SDHB: variants seen among roughly 807,000 people sequenced by gnomAD.
SDHB encodes the protein succinate dehydrogenase [ubiquinone] iron-sulfur subunit, mitochondrial.
Under a neutral mutation model 39.7 loss-of-function variants are expected in SDHB, and 21 were observed. The ratio of observed to expected loss-of-function variants is 0.53; its 90% CI spans 0.37 to 0.76. SDHB has a LOEUF of 0.76. Ranked by LOEUF, SDHB falls within the 30% of genes least tolerant of loss-of-function variation. The probability of loss-of-function intolerance (pLI) is 0.00; values close to 1 mark genes in which losing one functional copy is unlikely to be tolerated. For missense variants in SDHB, 343 were observed against 350.9 expected (o/e 0.98, Z 0.18); for synonymous variants, 118 against 117.0 (o/e 1.01, Z -0.06).
intron 5 of SDHB, among the ~76,000 whole-genome samples, chr1:17,026,397 C>G (rs150038714): frequency 1.5e-3 from 221 of 152,212 alleles, no homozygotes; most frequent in African/African-American, 5.1e-3. Context: ...CGGAGTCTTG[C>G]TCTGTTGCCC....
intron 3 of SDHB, among the ~76,000 whole-genome samples, chr1:17,032,055 C>CA (rs373859523): frequency 2.0e-5 from 3 of 152,196 alleles, no homozygotes; most frequent in African/African-American, 7.2e-5. Context: ...GTCTTCACTG[C>CA]ACCCTGTGCA....
intron 4 of SDHB, 25 bp downstream of exon 4, chr1:17,028,575 A>T: frequency 6.2e-7 from 1 of 1,613,722 alleles, no homozygotes; most frequent in Non-Finnish European, 8.5e-7. Context: ...AATAAAAACA[A>T]AACCAGAGAG....
At chr1:17,026,495 G>A (rs570065961) in intron 5 of SDHB, among the ~76,000 whole-genome samples, 26 of 152,268 alleles carry the variant, frequency 1.7e-4, no homozygotes, top group Middle Eastern at 3.4e-3. Context: ...CTCCTGAGTA[G>A]CTGGGATTAT....
intron 1 of SDHB, among the ~76,000 whole-genome samples, chr1:17,053,458 T>C (rs968444063): frequency 1.3e-5 from 2 of 152,126 alleles, no homozygotes; most frequent in Non-Finnish European, 2.9e-5. Flanking sequence ...TCCCCTGCCC[T>C]GTCCCCAACA....
At chr1:17,038,001 T>C (rs1414960906) in intron 2 of SDHB, among the ~76,000 whole-genome samples, 1 of 152,176 alleles carries the variant, frequency 6.6e-6, no homozygotes, top group African/African-American at 2.4e-5. Context: ...TAGCTGGGCG[T>C]AGTGGCAGGC....
intron 2 of SDHB, among the ~76,000 whole-genome samples, chr1:17,040,436 C>G (rs1307391158): frequency 1.3e-5 from 2 of 151,912 alleles, no homozygotes; most frequent in Non-Finnish European, 2.9e-5. Flanking sequence ...TCTGGAAGTC[C>G]AATTACATGT....
chr1:17,051,989 C>T (rs1199031379), intron 1 of SDHB, among the ~76,000 whole-genome samples: 1 of 149,432 alleles, frequency 6.7e-6, no homozygotes, highest in Non-Finnish European at 1.5e-5. Context: ...TTATAGGCGC[C>T]CACCACCACG....
intron 2 of SDHB, among the ~76,000 whole-genome samples, chr1:17,036,747 TATAA>T (rs1014061873): frequency 5.0e-4 from 73 of 146,356 alleles, no homozygotes; most frequent in African/African-American, 1.7e-3. Flanking sequence ...AATATATAAA[TATAA>T]ATATTTATAT....
At chr1:17,031,370 A>T (rs2078022047) in intron 3 of SDHB, among the ~76,000 whole-genome samples, 1 of 152,198 alleles carries the variant, frequency 6.6e-6, no homozygotes, top group Non-Finnish European at 1.5e-5. Flanking sequence ...AAAAAAAAAT[A>T]AGAAAAACAA....
intron 5 of SDHB, among the ~76,000 whole-genome samples, chr1:17,025,435 G>T (rs1460187879): frequency 6.7e-6 from 1 of 149,974 alleles, no homozygotes; most frequent in Non-Finnish European, 1.5e-5. Flanking sequence ...TTTGAGACAG[G>T]GTCTTGCTGT....
At chr1:17,048,357 T>C (rs78780303) in intron 1 of SDHB, among the ~76,000 whole-genome samples, 3,223 of 152,308 alleles carry the variant, frequency 0.021, 50 homozygotes, top group Non-Finnish European at 0.034. Context: ...CTCCAAGGTA[T>C]CATGTACCAC....
chr1:17,030,126 T>C (rs1031936412), intron 3 of SDHB, among the ~76,000 whole-genome samples: 2 of 152,096 alleles, frequency 1.3e-5, no homozygotes, highest in Non-Finnish European at 1.5e-5. Context: ...GAGGAGAAGG[T>C]TGCAGTGAGC....
At chr1:17,034,980 G>C (rs1347594544) in intron 2 of SDHB, among the ~76,000 whole-genome samples, 2 of 152,138 alleles carry the variant, frequency 1.3e-5, no homozygotes, top group Non-Finnish European at 2.9e-5. Flanking sequence ...ACAAAGCTCT[G>C]TTCCAGAGGA....
At chr1:17,037,276 C>T (rs1440496417) in intron 2 of SDHB, among the ~76,000 whole-genome samples, 1 of 151,672 alleles carries the variant, frequency 6.6e-6, no homozygotes, top group Non-Finnish European at 1.5e-5. Flanking sequence ...TCTAATAGTT[C>T]CTAGGGGGCA....
chr1:17,041,664 A>C (rs1314758804), intron 2 of SDHB, among the ~76,000 whole-genome samples: 1 of 152,122 alleles, frequency 6.6e-6, no homozygotes, highest in Admixed American at 6.5e-5. Context: ...TCAGACTCAA[A>C]ATAAAAAAAT....
intron 1 of SDHB, among the ~76,000 whole-genome samples, chr1:17,050,017 G>A (rs1225015505): frequency 2.0e-5 from 3 of 152,042 alleles, no homozygotes; most frequent in South Asian, 2.1e-4. Flanking sequence ...TATCAAGCTG[G>A]GTATCAGAAC....
intron 1 of SDHB, 29 bp from the exon 2 acceptor site, chr1:17,044,917 A>G: frequency 6.3e-7 from 1 of 1,575,932 alleles, no homozygotes; most frequent in African/African-American, 1.3e-5. Flanking sequence ...CACAAAAAGG[A>G]AAAAAAAATT....
At chr1:17,044,729 C>T (rs1335641555) in intron 2 of SDHB, 32 bp downstream of exon 2, 2 of 1,611,818 alleles carry the variant, frequency 1.2e-6, no homozygotes, top group East Asian at 2.2e-5. Context: ...AAGAACTCTC[C>T]TTCAATAGCT....
intron 1 of SDHB, among the ~76,000 whole-genome samples, chr1:17,047,006 C>G (rs760395323): frequency 6.6e-6 from 1 of 152,160 alleles, no homozygotes. Flanking sequence ...CGTGAGCCAC[C>G]GTGCCTGGCC....
Sources: gnomAD v4.1 joint callset for allele counts (sites outside exome capture counted in the v4.1 genomes callset) on GRCh38, gnomAD v4.1.1 for gene constraint, MANE v1.5 for transcripts, NCBI Gene and HGNC (gene_info 2026-07-23, HGNC 2026-07-21) for gene names.